The following N4BP2 variants were observed in gnomAD, a reference collection of about 807,000 sequenced individuals.
The protein encoded by N4BP2 is NEDD4-binding protein 2.
In N4BP2, 91 loss-of-function variants were observed where a neutral mutation model predicts 152.8. The ratio of observed to expected loss-of-function variants is 0.60; its 90% CI spans 0.50 to 0.71. N4BP2 has a LOEUF of 0.71. Ranked by LOEUF, N4BP2 falls within the 30% of genes least tolerant of loss-of-function variation. The pLI is 0.00. For missense variants in N4BP2, 1,923 were observed against 2,059.1 expected (o/e 0.93, Z 1.28); for synonymous variants, 646 against 705.3 (o/e 0.92, Z 1.33).
rs1346106013 is a variant in N4BP2, at chr4:40,120,543, C to T, written c.2432C>T (p.Ser811Leu). ...AGGAACAGAAAAACTGAAAAAACTTCATCCGTACAAAGCGACAAAAAGTAT... is the reference window on the plus strand; with the variant it reads ...AGGAACAGAAAAACTGAAAAAACTTTATCCGTACAAAGCGACAAAAAGTAT... ...TKRNRKTEKT[S>L]SVQSDKKYNY... The change falls in exon 9 of 18, where the codon TCA becomes TTA. Residue 811 changes from serine (S) to leucine (L), a missense_variant. Transcript: ENST00000261435. 1.9e-6 allele frequency: 3 copies of T among 1,613,762 alleles called. No homozygotes were observed. The highest frequency in any genetic ancestry group is 1.1e-5 in the South Asian group (1 of 91,064).
intron 1 of N4BP2, among the ~76,000 whole-genome samples, chr4:40,063,984 G>A (rs142619918): frequency 2.6e-5 from 4 of 151,092 alleles, no homozygotes; most frequent in Non-Finnish European, 4.4e-5. Context: ...GGGGCGGCAG[G>A]GGGGGGTCTC....
At chr4:40,075,081 A>G (rs1396094279) in intron 2 of N4BP2, among the ~76,000 whole-genome samples, 1 of 152,086 alleles carries the variant, frequency 6.6e-6, no homozygotes, top group African/African-American at 2.4e-5. Flanking sequence ...TTAGCCATCC[A>G]TAAATATTTG....
the N4BP2 span, among the ~76,000 whole-genome samples, chr4:40,170,130 A>G: frequency 1.6e-4 from 24 of 152,286 alleles, no homozygotes; most frequent in East Asian, 2.9e-3. Flanking sequence ...TATACATTTA[A>G]CTCAATAATT....
Position 40,127,670 on chromosome 4 carries a change from TA to T in N4BP2, c.4527+1341del, listed in dbSNP as rs553134386. On this transcript the variant is annotated intron_variant, in intron 12 of 17. Transcript: ENST00000261435. ...CTATCTCTGAGAAAATATATATATA[TA>T]TTTTTTTGAGATGGAGTCTCGCTCT... Among the ~76,000 whole-genome samples, 168 of 151,918 alleles carry T rather than the reference TA, an allele frequency of 1.1e-3. 1 individual carries two copies. Among genetic ancestry groups the T allele is most frequent in the African/African-American group, 3.9e-3 (161 of 41,474 alleles).
intron 2 of N4BP2, among the ~76,000 whole-genome samples, chr4:40,085,128 G>A (rs530590124): frequency 6.6e-6 from 1 of 151,200 alleles, no homozygotes; most frequent in African/African-American, 2.4e-5. Flanking sequence ...GGCCAGGCTG[G>A]TCTTGAACTT....
intron 2 of N4BP2, among the ~76,000 whole-genome samples, chr4:40,080,308 C>CCG (rs1392040324): frequency 3.3e-5 from 3 of 90,448 alleles, no homozygotes; most frequent in African/African-American, 1.0e-4. Flanking sequence ...ATAGTGTGAG[C>CCG]TGTATATATA....
At chr4:40,070,457 A>AT (rs1201064695) in intron 1 of N4BP2, among the ~76,000 whole-genome samples, 7 of 151,182 alleles carry the variant, frequency 4.6e-5, no homozygotes, top group Non-Finnish European at 7.4e-5. Flanking sequence ...CTACTTTTTG[A>AT]TTTTTTTTTG....
intron 2 of N4BP2, among the ~76,000 whole-genome samples, chr4:40,093,560 C>T (rs1218371018): frequency 6.6e-6 from 1 of 151,478 alleles, no homozygotes; most frequent in African/African-American, 2.4e-5. Context: ...GTGTGTGCCA[C>T]CTTGCGTGGC....
At chr4:40,126,072 G>A (rs1281231973) in intron 11 of N4BP2, 62 bp from the exon 12 acceptor site, 1 of 1,041,644 alleles carries the variant, frequency 9.6e-7, no homozygotes, top group Non-Finnish European at 1.3e-6. Context: ...ATAACAGAGT[G>A]AATAATGTTT....
the N4BP2 span, among the ~76,000 whole-genome samples, chr4:40,173,876 C>A: frequency 6.6e-6 from 1 of 152,096 alleles, no homozygotes; most frequent in African/African-American, 2.4e-5. Context: ...TTTCTCATTT[C>A]TTTTTTTCTT....
chr4:40,073,175 G>A (rs1712383119), intron 1 of N4BP2, among the ~76,000 whole-genome samples: 1 of 152,066 alleles, frequency 6.6e-6, no homozygotes, highest in African/African-American at 2.4e-5. Flanking sequence ...ATAAAGATAA[G>A]GTTTCTCTCA....
intron 1 of N4BP2, among the ~76,000 whole-genome samples, chr4:40,064,380 T>G (rs1015297875): frequency 9.2e-5 from 14 of 152,032 alleles, no homozygotes; most frequent in African/African-American, 3.1e-4. Context: ...GTTCAAGTGA[T>G]TCTCCTGCCT....
intron 9 of N4BP2, among the ~76,000 whole-genome samples, 165 bp downstream of exon 9, chr4:40,122,474 A>G (rs1050694868): frequency 1.3e-5 from 2 of 152,094 alleles, no homozygotes; most frequent in Non-Finnish European, 2.9e-5. Flanking sequence ...CCCAGGTTCA[A>G]GTGATTCTCC....
Position 40,121,177 on chromosome 4 carries a change from T to C in N4BP2, c.3066T>C (p.Phe1022=), listed in dbSNP as rs765532957. Residue 1022 remains phenylalanine (F), a synonymous_variant, in exon 9 of 18, where the codon TTT becomes TTC. Transcript: ENST00000261435. ...GCACCCAGACTGAACCACAGGATTTTGCTCTTTTATGGAAAATAGAAAAGA... is the reference window on the plus strand; with the variant it reads ...GCACCCAGACTGAACCACAGGATTTCGCTCTTTTATGGAAAATAGAAAAGA... ...GMCTQTEPQD[F]ALLWKIEKNK... The C allele has an allele frequency of 1.9e-6, 3 of 1,614,158 alleles. No homozygotes were observed. Among genetic ancestry groups the C allele is most frequent in the Admixed American group, 1.7e-5 (1 of 60,026 alleles).
intron 1 of N4BP2, among the ~76,000 whole-genome samples, chr4:40,061,162 A>G (rs1733625358): frequency 1.3e-5 from 2 of 151,410 alleles, no homozygotes; most frequent in South Asian, 2.1e-4. Flanking sequence ...TAAGGTTATT[A>G]GTGTCTTTAT....
intron 1 of N4BP2, among the ~76,000 whole-genome samples, chr4:40,058,785 T>G (rs1733422321): frequency 6.6e-6 from 1 of 152,168 alleles, no homozygotes; most frequent in Admixed American, 6.6e-5. Context: ...TTTTTAGTAT[T>G]TATTTTAAAT....
chr4:40,062,129 A>C (rs1157616723), intron 1 of N4BP2, among the ~76,000 whole-genome samples: 4 of 127,300 alleles, frequency 3.1e-5, no homozygotes. Context: ...CCTAGGTGGG[A>C]GTGCAGTGGT....
chr4:40,162,689 A>G (rs1721889145), downstream of N4BP2, among the ~76,000 whole-genome samples: 1 of 152,192 alleles, frequency 6.6e-6, no homozygotes, highest in African/African-American at 2.4e-5. Flanking sequence ...AATAATACAC[A>G]TTATTATTTA....
intron 5 of N4BP2, among the ~76,000 whole-genome samples, chr4:40,110,601 G>A (rs1480750167): frequency 6.6e-6 from 1 of 152,108 alleles, no homozygotes; most frequent in Non-Finnish European, 1.5e-5. Flanking sequence ...GCAGTGGCAC[G>A]ATCTTGGCTC....
Sources: gnomAD v4.1 joint callset for allele counts (sites outside exome capture counted in the v4.1 genomes callset) on GRCh38, gnomAD v4.1.1 for gene constraint, MANE v1.5 for transcripts, NCBI Gene and HGNC (gene_info 2026-07-23, HGNC 2026-07-21) for gene names.